Variants in ACLY observed in about 807,000 individuals in gnomAD.
The protein encoded by ACLY is ATP-citrate synthase.
ACLY carries 41 observed loss-of-function variants against 133.0 expected under a neutral mutation model. The observed-to-expected ratio is 0.31, with a 90% confidence interval of 0.24 to 0.40. The LOEUF is 0.40. Among genes scored for constraint, ACLY ranks in the 10% least tolerant of loss-of-function variants. ACLY has a pLI of 1.00. For synonymous variants in ACLY, 495 were observed against 549.3 expected, an observed-to-expected ratio of 0.90 and a Z score of 1.38; for missense variants, 1,046 against 1,453.8, an observed-to-expected ratio of 0.72 and a Z score of 4.56.
intron 18 of ACLY, among the ~76,000 whole-genome samples, chr17:41,884,910 C>T (rs1468878532): frequency 2.0e-5 from 3 of 152,196 alleles, no homozygotes; most frequent in Admixed American, 1.3e-4. Flanking sequence ...TGCTCTTTCA[C>T]CCAGGCTTGA....
At chr17:41,929,596 T>C (rs1180193809) in intron 1 of ACLY, among the ~76,000 whole-genome samples, 1 of 152,202 alleles carries the variant, frequency 6.6e-6, no homozygotes, top group Non-Finnish European at 1.5e-5. Context: ...TGGCCGTTAC[T>C]TGTTTATACA....
intron 17 of ACLY, 151 bp from the exon 18 acceptor site, chr17:41,886,459 G>T: frequency 1.4e-6 from 1 of 730,292 alleles, no homozygotes; most frequent in Non-Finnish European, 2.2e-6. Context: ...TGGGTTTCCT[G>T]CTTAGGAAAG....
intron 21 of ACLY, among the ~76,000 whole-genome samples, 190 bp downstream of exon 21, chr17:41,878,607 T>C (rs1384255648): frequency 6.6e-6 from 1 of 152,174 alleles, no homozygotes; most frequent in African/African-American, 2.4e-5. Context: ...AGCCTAGACC[T>C]ACTGCCTCCA....
rs2050128099 is a variant in ACLY at position 41,918,912 on chromosome 17, A to G, written c.-56T>C. 1 of 1,288,860 alleles carries G rather than the reference A, an allele frequency of 7.8e-7. No homozygotes were observed. The highest frequency in any genetic ancestry group is 1.2e-5 in the South Asian group (1 of 80,792). 79.8% of individuals were successfully genotyped at this position (1,288,860 alleles called of 1,614,324 possible). ...GAAGTCCGTGCGCGGCGCTTCTTCC[A>G]CAGGCCCGACGAACCCCGCAAAATC... On this transcript the variant is annotated 5_prime_UTR_variant, in exon 1 of 29. Transcript: ENST00000352035.
At position 41,890,641 on chromosome 17, in the gene ACLY, T is replaced by G. The variant is rs556829274; in HGVS notation, c.1770+1638A>C. Among the ~76,000 whole-genome samples, 11 of 151,460 alleles carry G rather than the reference T, an allele frequency of 7.3e-5. No homozygotes were observed. In the East Asian group the frequency reaches 2.1e-3, roughly 29 times the overall value. On this transcript the variant is annotated intron_variant, in intron 16 of 28. Coordinates refer to ENST00000352035, the MANE Select transcript of ACLY (RefSeq NM_001096.3). ...AGGCGGAGGTTGCGGTGAGCCGAGA[T>G]TGCACCATTGCACTCCAGCCTGGGC...
chr17:41,893,563 A>G (rs2049276807), intron 14 of ACLY, among the ~76,000 whole-genome samples: 1 of 152,222 alleles, frequency 6.6e-6, no homozygotes. Flanking sequence ...AGTCATTGGA[A>G]AAAAATGCTT....
At chr17:41,887,127 G>GAAAAAAAAAAAAAA (rs535668437) in intron 17 of ACLY, among the ~76,000 whole-genome samples, 5 of 110,378 alleles carry the variant, frequency 4.5e-5, no homozygotes, top group Non-Finnish European at 7.1e-5. Flanking sequence ...CCGTCTCAAA[G>GAAAAAAAAAAAAAA]AAAAAAAAAA....
At chr17:41,913,983 C>A in intron 1 of ACLY, 87 bp from the exon 2 acceptor site, 1 of 1,308,796 alleles carries the variant, frequency 7.6e-7, no homozygotes, top group Non-Finnish European at 1.1e-6. Flanking sequence ...TCCCAGTTGC[C>A]CCCAGACAAT....
rs782543080 is a variant in ACLY, at chr17:41,893,068, G to A, written c.1566C>T (p.Asp522=). 27 of 1,614,060 alleles carry A rather than the reference G, an allele frequency of 1.7e-5. No homozygotes were observed. Among genetic ancestry groups the A allele is most frequent in the East Asian group, 2.2e-5 (1 of 44,872 alleles). ...MLDFDYVCSR[D]EPSVAAMVYP... is the part of the protein sequence containing the mutation. ...AGACCATGGCAGCCACTGAGGGCTC[G>A]TCTCGGGAGCAGACATAGTCAAAGT... The change falls in exon 15 of 29, where the codon GAC becomes GAT. Residue 522 remains aspartate, a synonymous_variant. Coordinates refer to ENST00000352035, the MANE Select transcript of ACLY (RefSeq NM_001096.3).
In ACLY at chr17:41,896,660, A is replaced by G. The variant is rs782683124; in HGVS notation, c.1430-11T>C. On this transcript the variant is annotated splice_polypyrimidine_tract_variant and intron_variant, in intron 13 of 28. Coordinates refer to ENST00000352035, the MANE Select transcript of ACLY (RefSeq NM_001096.3). ...GACTTGGGACTGAATCTGTCAAAGA[A>G]AATGACCAAGGCAACTGAGTGACCC... 1 of 1,572,448 alleles carries G rather than the reference A, an allele frequency of 6.4e-7. No individual in the cohort carries two copies. Among genetic ancestry groups the G allele is most frequent in the South Asian group, 1.2e-5 (1 of 83,622 alleles).
Position 41,886,295 on chromosome 17 carries a change from T to G in ACLY, c.1889A>C (p.Lys630Thr). 6.2e-7 allele frequency: 1 copy of G among 1,610,010 alleles called. No homozygotes were observed. The highest frequency in any genetic ancestry group is 1.1e-5 in the South Asian group (1 of 91,000). ...IIGPATVGGIKPGCFKIGNTG... is the reference protein window; with the variant it reads ...IIGPATVGGITPGCFKIGNTG... ...GTTGCCAATCTTAAAGCACCCAGGC[T>G]TGATGCCTCCAACCTGTGGGGGCAG... Residue 630 changes from lysine to threonine, a missense_variant, in exon 18 of 29, where the codon AAG (lysine) becomes ACG (threonine). Lys to Thr is a moderately conservative substitution (Grantham distance 78, BLOSUM62 -1). This residue lies in a region of ACLY where 575 missense variants were observed against 804.2 expected (regional missense o/e 0.71). Transcript: ENST00000352035.
At chr17:41,873,762 A>G in intron 23 of ACLY, 49 bp downstream of exon 23, 1 of 1,484,506 alleles carries the variant, frequency 6.7e-7, no homozygotes, top group Non-Finnish European at 9.0e-7. Flanking sequence ...GGGGAAAATC[A>G]TTAACTCTGA....
intron 6 of ACLY, 127 bp from the exon 7 acceptor site, chr17:41,907,699 T>A: frequency 9.2e-7 from 1 of 1,091,792 alleles, no homozygotes; most frequent in Non-Finnish European, 1.3e-6. Context: ...CTAAGCTCAG[T>A]AAGAAACCAG....
At chr17:41,886,088 C>T in intron 18 of ACLY, 24 bp downstream of exon 18, 1 of 1,601,362 alleles carries the variant, frequency 6.2e-7, no homozygotes, top group Non-Finnish European at 8.5e-7. Context: ...CAGGAAGCCC[C>T]TCCTTGGCTT....
intron 22 of ACLY, among the ~76,000 whole-genome samples, chr17:41,877,341 C>G (rs538340216): frequency 6.6e-6 from 1 of 150,644 alleles, no homozygotes; most frequent in Non-Finnish European, 1.5e-5. Flanking sequence ...TGGGGTTTCA[C>G]CATGTTGGCC....
rs2050071791 is a variant in ACLY, at chr17:41,917,128, C to G, written c.-24+1752G>C. 2.5e-5 allele frequency among the ~76,000 whole-genome samples: 3 copies of G among 121,592 alleles called. No individual in the cohort carries two copies. In the South Asian group the frequency reaches 8.0e-4, roughly 32 times the overall value. The allele number at this position is 121,592 out of a possible 152,430, so 79.8% of individuals were successfully genotyped here. A position where few individuals can be genotyped will look rare whatever the true frequency, so the allele number is the denominator to read the frequency against. Reference sequence around the variant, plus strand: ...TCCAGCCTGCCGACAGAGCAAGACTCTGTCTCAAAAAAAAAAAAAAAAAAA... The same window carrying G: ...TCCAGCCTGCCGACAGAGCAAGACTGTGTCTCAAAAAAAAAAAAAAAAAAA... On this transcript the variant is annotated intron_variant, in intron 1 of 28. Transcript: ENST00000352035.
At chr17:41,907,415 C>A in intron 7 of ACLY, 27 bp downstream of exon 7, 1 of 1,607,258 alleles carries the variant, frequency 6.2e-7, no homozygotes. Flanking sequence ...CCCCCCAGTC[C>A]CCATCTCCTC....
At chr17:41,878,383 A>G (rs891310060) in intron 21 of ACLY, among the ~76,000 whole-genome samples, 187 bp from the exon 22 acceptor site, 4 of 152,008 alleles carry the variant, frequency 2.6e-5, no homozygotes, top group African/African-American at 9.7e-5. Context: ...GCTCCCTACT[A>G]CCTCATGTCC....
rs1438376748 is a variant in ACLY at position 41,868,760 on chromosome 17, T to C, written c.3160A>G (p.Ile1054Val). The C allele has an allele frequency of 1.9e-6, 3 of 1,613,606 alleles. No homozygotes were observed. The highest frequency in any genetic ancestry group is 2.7e-5 in the African/African-American group (2 of 74,768). The stretch of plus-strand genomic sequence containing the variant: ...ACAAAGATGCCATTGAGGGCTCCAA[T>C]GTCAATATATTCATCAGCTTCCTCC... ...TREEADEYID[I>V]GALNGIFVLG... Residue 1054 changes from isoleucine (I) to valine (V), a missense_variant, in exon 28 of 29, where the codon ATT becomes GTT. This residue lies in a region of ACLY where 205 missense variants were observed against 373.3 expected (regional missense o/e 0.55). Transcript: ENST00000352035.
Sources: allele counts gnomAD v4.1 joint callset (sites outside exome capture counted in the v4.1 genomes callset), GRCh38; gene constraint gnomAD v4.1.1; regional missense constraint gnomAD v4.1.1; transcripts MANE v1.5; gene names NCBI Gene and HGNC (gene_info 2026-07-23, HGNC 2026-07-21).